ANKH: variants seen among roughly 807,000 people sequenced by gnomAD.
ANKH encodes the protein mineralization regulator ANKH.
In ANKH, 15 loss-of-function variants were observed where a neutral mutation model predicts 49.0. The ratio of observed to expected loss-of-function variants is 0.31; its 90% CI spans 0.20 to 0.47. ANKH has a LOEUF of 0.47. Ranked by LOEUF, ANKH falls within the 20% of genes least tolerant of loss-of-function variation. The probability of loss-of-function intolerance (pLI) is 1.00; values close to 1 mark genes in which losing one functional copy is unlikely to be tolerated. For missense variants in ANKH, 429 were observed against 652.0 expected (o/e 0.66, Z 3.72); for synonymous variants, 273 against 260.0 (o/e 1.05, Z -0.48).
intron 1 of ANKH, chr5:14,797,038 A>C: frequency 8.2e-7 from 1 of 1,220,686 alleles, no homozygotes; most frequent in Non-Finnish European, 1.1e-6. Context: ...AGCTGAATAA[A>C]ATCTGTCTCA....
intron 6 of ANKH, among the ~76,000 whole-genome samples, chr5:14,747,155 A>G (rs979444679): frequency 2.0e-5 from 3 of 152,114 alleles, no homozygotes; most frequent in Non-Finnish European, 2.9e-5. Context: ...CTCTCCTTAC[A>G]ACCCAACTCA....
intron 1 of ANKH, among the ~76,000 whole-genome samples, chr5:14,816,488 G>T (rs140325034): frequency 6.6e-6 from 1 of 152,258 alleles, no homozygotes; most frequent in African/African-American, 2.4e-5. Context: ...CCCAGCATGA[G>T]AGGAAGGGGA....
At chr5:14,849,983 A>G (rs1343200815) in intron 1 of ANKH, among the ~76,000 whole-genome samples, 1 of 152,148 alleles carries the variant, frequency 6.6e-6, no homozygotes, top group Non-Finnish European at 1.5e-5. Flanking sequence ...CCTAACCAGC[A>G]CCGCTTCAGT....
At chr5:14,802,392 C>T (rs189917080) in intron 1 of ANKH, among the ~76,000 whole-genome samples, 108 of 152,170 alleles carry the variant, frequency 7.1e-4, no homozygotes, top group African/African-American at 2.5e-3. Context: ...CCAGACCCAC[C>T]GCCTAGTGCA....
At chr5:14,717,303 T>C (rs979210096) in intron 8 of ANKH, among the ~76,000 whole-genome samples, 19 of 152,134 alleles carry the variant, frequency 1.2e-4, no homozygotes, top group African/African-American at 4.1e-4. Context: ...AAGGGAAATA[T>C]TAGTATTTAG....
At chr5:14,836,946 G>GC (rs1211684376) in intron 1 of ANKH, among the ~76,000 whole-genome samples, 2 of 152,138 alleles carry the variant, frequency 1.3e-5, no homozygotes, top group Non-Finnish European at 2.9e-5. Context: ...ACAGAACAGA[G>GC]CCCTCAGAAA....
intron 1 of ANKH, among the ~76,000 whole-genome samples, chr5:14,867,548 G>A (rs1231782212): frequency 2.6e-5 from 4 of 151,982 alleles, no homozygotes; most frequent in African/African-American, 9.7e-5. Context: ...AAGGAGATGT[G>A]TTCCCATTTT....
In ANKH at chr5:14,710,958, A is replaced by AAGTC; in HGVS notation, c.*235_*238dup. Reference sequence around the variant, plus strand: ...TGGGTTTTCGTGAGGCAGGGGTATGAAGTCAGTTGTTTCGTTTGTTTTTAC... The same window carrying AAGTC: ...TGGGTTTTCGTGAGGCAGGGGTATGAAGTCAGTCAGTTGTTTCGTTTGTTTTTAC... On this transcript the variant is annotated 3_prime_UTR_variant, in exon 12 of 12. Coordinates refer to ENST00000284268, the MANE Select transcript of ANKH (RefSeq NM_054027.6). 2.0e-6 allele frequency: 1 copy of AAGTC among 505,036 alleles called. No individual in the cohort carries two copies. The highest frequency in any genetic ancestry group is 3.6e-6 in the Non-Finnish European group (1 of 276,708). The allele number at this position is 505,036 out of a possible 1,614,324, so 31.3% of individuals were successfully genotyped here.
chr5:14,852,780 C>T (rs925079662), intron 1 of ANKH, among the ~76,000 whole-genome samples: 1 of 152,186 alleles, frequency 6.6e-6, no homozygotes, highest in African/African-American at 2.4e-5. Flanking sequence ...GAAGAATGCA[C>T]AGTATCTTCC....
intron 1 of ANKH, among the ~76,000 whole-genome samples, chr5:14,832,172 C>T (rs188553159): frequency 6.6e-6 from 1 of 152,182 alleles, no homozygotes; most frequent in East Asian, 1.9e-4. Context: ...TCTGAAAAGT[C>T]ATACTAAGAA....
At chr5:14,794,014 C>T (rs953487460) in intron 1 of ANKH, among the ~76,000 whole-genome samples, 5 of 152,210 alleles carry the variant, frequency 3.3e-5, no homozygotes, top group South Asian at 2.1e-4. Flanking sequence ...TATCTGATGG[C>T]GAACTTTTGT....
At chr5:14,712,717 A>C (rs1482470179) in intron 11 of ANKH, among the ~76,000 whole-genome samples, 157 bp downstream of exon 11, 3 of 152,088 alleles carry the variant, frequency 2.0e-5, no homozygotes, top group African/African-American at 7.2e-5. Context: ...CCCCACTCCC[A>C]TTAGGCTTCC....
intron 6 of ANKH, among the ~76,000 whole-genome samples, chr5:14,748,038 T>C (rs1169646019): frequency 1.3e-5 from 2 of 152,346 alleles, no homozygotes; most frequent in Non-Finnish European, 1.5e-5. Context: ...GCTGTTCCTA[T>C]ATGCCATCGA....
intron 7 of ANKH, among the ~76,000 whole-genome samples, chr5:14,742,937 T>C (rs1738410778): frequency 6.6e-6 from 1 of 152,122 alleles, no homozygotes. Flanking sequence ...CTGACCTCAT[T>C]ATGGACCCAA....
chr5:14,762,533 C>A (rs963398214), intron 2 of ANKH, among the ~76,000 whole-genome samples: 2 of 152,126 alleles, frequency 1.3e-5, no homozygotes, highest in African/African-American at 4.8e-5. Flanking sequence ...ATTTGGAGGC[C>A]AAGGGAAGAA....
intron 1 of ANKH, among the ~76,000 whole-genome samples, chr5:14,822,193 C>T (rs949602071): frequency 2.0e-5 from 3 of 152,120 alleles, no homozygotes; most frequent in Admixed American, 1.3e-4. Context: ...TAAATACACA[C>T]TGGATTTCCA....
intron 8 of ANKH, chr5:14,724,523 C>T (rs1024370993): frequency 9.1e-6 from 9 of 984,376 alleles, no homozygotes; most frequent in East Asian, 1.1e-4. Context: ...TGAAGGAAAT[C>T]GCCAGCTTTA....
chr5:14,764,025 T>C (rs1268265597), intron 2 of ANKH, among the ~76,000 whole-genome samples: 3 of 151,250 alleles, frequency 2.0e-5, no homozygotes, highest in Admixed American at 1.3e-4. Flanking sequence ...GAGGCGGAGG[T>C]TGCAATAACC....
intron 1 of ANKH, among the ~76,000 whole-genome samples, chr5:14,793,029 TATATA>T (rs1561057821): frequency 1.8e-4 from 14 of 77,946 alleles, no homozygotes; most frequent in East Asian, 1.5e-3. Context: ...TAAATATATA[TATATA>T]AAAATATATA....
Sources: allele counts gnomAD v4.1 joint callset (sites outside exome capture counted in the v4.1 genomes callset), GRCh38; gene constraint gnomAD v4.1.1; transcripts MANE v1.5; gene names NCBI Gene and HGNC (gene_info 2026-07-23, HGNC 2026-07-21).